Variants in KCNJ3 observed in about 807,000 individuals in gnomAD.
KCNJ3 encodes potassium inwardly rectifying channel subfamily J member 3, also known as G protein-activated inward rectifier potassium channel 1.
KCNJ3 carries 4 observed loss-of-function variants against 39.2 expected under a neutral mutation model. The ratio of observed to expected loss-of-function variants is 0.10; its 90% CI spans 0.05 to 0.23. The LOEUF (loss-of-function observed/expected upper bound fraction) is 0.23, where lower values mean the gene tolerates loss of function less well. Ranked by LOEUF, KCNJ3 falls within the 10% of genes least tolerant of loss-of-function variation. KCNJ3 has a pLI of 1.00. For synonymous variants in KCNJ3, 230 were observed against 237.4 expected, an observed-to-expected ratio of 0.97 and a Z score of 0.29; for missense variants, 276 against 634.9, an observed-to-expected ratio of 0.43 and a Z score of 6.08.
intron 2 of KCNJ3, among the ~76,000 whole-genome samples, chr2:154,766,484 C>T (rs767253952): frequency 2.0e-5 from 3 of 151,806 alleles, no homozygotes; most frequent in African/African-American, 7.3e-5. Flanking sequence ...CCAGGTTACC[C>T]AAAGTGGATA....
chr2:154,835,334 T>C (rs1687436428), intron 2 of KCNJ3, among the ~76,000 whole-genome samples: 1 of 141,008 alleles, frequency 7.1e-6, no homozygotes. Flanking sequence ...GACAATAAAT[T>C]ATTTTCTTTT....
chr2:154,801,489 T>TCTTTA (rs1432660007), intron 2 of KCNJ3, among the ~76,000 whole-genome samples: 1 of 151,734 alleles, frequency 6.6e-6, no homozygotes, highest in Non-Finnish European at 1.5e-5. Flanking sequence ...TCCTTTCTTT[T>TCTTTA]CTTTTCTTTT....
At chr2:154,827,435 G>T (rs900185085) in intron 2 of KCNJ3, among the ~76,000 whole-genome samples, 1 of 152,028 alleles carries the variant, frequency 6.6e-6, no homozygotes, top group African/African-American at 2.4e-5. Flanking sequence ...TTCCCCTAAG[G>T]CCTTTCAAAG....
At chr2:154,825,125 G>A (rs964744065) in intron 2 of KCNJ3, among the ~76,000 whole-genome samples, 7 of 151,798 alleles carry the variant, frequency 4.6e-5, no homozygotes, top group African/African-American at 7.3e-5. Flanking sequence ...TTCCCTTTTG[G>A]GCATGCTAAT....
At chr2:154,779,448 A>G (rs2105202012) in intron 2 of KCNJ3, among the ~76,000 whole-genome samples, 1 of 141,328 alleles carries the variant, frequency 7.1e-6, no homozygotes, top group East Asian at 2.2e-4. Context: ...ATATGTATAT[A>G]TATTTTATAT....
chr2:154,754,417 G>C (rs569885332), intron 2 of KCNJ3, among the ~76,000 whole-genome samples: 1 of 152,192 alleles, frequency 6.6e-6, no homozygotes, highest in Admixed American at 6.5e-5. Flanking sequence ...GGGATTCCAG[G>C]CATGTGCCAC....
intron 2 of KCNJ3, among the ~76,000 whole-genome samples, chr2:154,828,988 CACTT>C (rs1342935941): frequency 3.3e-5 from 5 of 152,016 alleles, no homozygotes; most frequent in Admixed American, 1.3e-4. Flanking sequence ...ACTTAATAAA[CACTT>C]AATAATGACT....
intron 2 of KCNJ3, among the ~76,000 whole-genome samples, chr2:154,825,802 C>T (rs1574476471): frequency 6.6e-6 from 1 of 151,144 alleles, no homozygotes; most frequent in East Asian, 2.0e-4. Flanking sequence ...TGGTCTCAAA[C>T]TATGGGGCTT....
intron 2 of KCNJ3, among the ~76,000 whole-genome samples, chr2:154,781,195 G>A (rs186399346): frequency 4.7e-4 from 71 of 152,172 alleles, no homozygotes; most frequent in South Asian, 3.7e-3. Flanking sequence ...AATGCAGCCC[G>A]GCCAGCACCT....
At chr2:154,844,401 G>T (rs1205136491) in intron 2 of KCNJ3, among the ~76,000 whole-genome samples, 1 of 152,222 alleles carries the variant, frequency 6.6e-6, no homozygotes, top group Admixed American at 6.5e-5. Flanking sequence ...CTACACAGGA[G>T]ACAGGGACCA....
chr2:154,815,312 G>A (rs1032609881), intron 2 of KCNJ3, among the ~76,000 whole-genome samples: 1 of 152,032 alleles, frequency 6.6e-6, no homozygotes, highest in Admixed American at 6.6e-5. Flanking sequence ...CAATACTCAG[G>A]AATTTAAAAA....
chr2:154,752,094 C>T (rs1281506651), intron 2 of KCNJ3, among the ~76,000 whole-genome samples: 2 of 151,982 alleles, frequency 1.3e-5, no homozygotes, highest in Admixed American at 1.3e-4. Flanking sequence ...CCTTTATTTT[C>T]ATTACAAAGT....
At chr2:154,776,070 C>T (rs563882353) in intron 2 of KCNJ3, among the ~76,000 whole-genome samples, 153 of 150,490 alleles carry the variant, frequency 1.0e-3, no homozygotes, top group African/African-American at 3.5e-3. Context: ...GGTGCAATCT[C>T]GGCTCACTGC....
At chr2:154,711,629 T>C (rs1558853172) in intron 2 of KCNJ3, among the ~76,000 whole-genome samples, 2 of 152,152 alleles carry the variant, frequency 1.3e-5, no homozygotes, top group Non-Finnish European at 2.9e-5. Context: ...AACCTTAATA[T>C]ACTTGAAAAA....
chr2:154,821,489 T>C (rs1687176904), intron 2 of KCNJ3, among the ~76,000 whole-genome samples: 1 of 152,166 alleles, frequency 6.6e-6, no homozygotes, highest in Non-Finnish European at 1.5e-5. Flanking sequence ...TTCTGCACAG[T>C]AATTGAAACA....
chr2:154,753,927 T>C (rs1391102220), intron 2 of KCNJ3, among the ~76,000 whole-genome samples: 2 of 152,238 alleles, frequency 1.3e-5, no homozygotes, highest in Non-Finnish European at 2.9e-5. Context: ...TCGCTTTTAA[T>C]GTTACTGCCT....
At chr2:154,809,580 T>C (rs762688371) in intron 2 of KCNJ3, among the ~76,000 whole-genome samples, 5 of 152,326 alleles carry the variant, frequency 3.3e-5, no homozygotes, top group South Asian at 2.1e-4. Context: ...TAGCACCGTC[T>C]ACCACAGAAA....
chr2:154,727,060 C>T (rs1574436952), intron 2 of KCNJ3, among the ~76,000 whole-genome samples: 1 of 152,030 alleles, frequency 6.6e-6, no homozygotes, highest in South Asian at 2.1e-4. Flanking sequence ...GCATTGGTTA[C>T]AATGTACACT....
At chr2:154,818,918 C>CTTTTTTTTTTTTTTTTTT (rs57668487) in intron 2 of KCNJ3, among the ~76,000 whole-genome samples, 5 of 52,436 alleles carry the variant, frequency 9.5e-5, no homozygotes, top group Non-Finnish European at 1.6e-4. Context: ...CTGCAAAAGC[C>CTTTTTTTTTTTTTTTTTT]TTTTTTTTTT....
Sources: allele counts gnomAD v4.1 joint callset (sites outside exome capture counted in the v4.1 genomes callset), GRCh38; gene constraint gnomAD v4.1.1; transcripts MANE v1.5; gene names NCBI Gene and HGNC (gene_info 2026-07-23, HGNC 2026-07-21).